The following MACROD2 variants were observed in gnomAD, a reference collection of about 807,000 sequenced individuals.
The protein encoded by MACROD2 is ADP-ribose glycohydrolase MACROD2.
MACROD2 carries 36 observed loss-of-function variants against 70.4 expected under a neutral mutation model. That is an observed-to-expected ratio of 0.51 (90% confidence interval 0.39 to 0.68). MACROD2 has a LOEUF of 0.68. Among genes scored for constraint, MACROD2 ranks in the 30% least tolerant of loss-of-function variants. The probability of loss-of-function intolerance (pLI) is 0.00; values close to 1 mark genes in which losing one functional copy is unlikely to be tolerated. For synonymous variants in MACROD2, 172 were observed against 178.8 expected, an observed-to-expected ratio of 0.96 and a Z score of 0.30; for missense variants, 496 against 538.4, an observed-to-expected ratio of 0.92 and a Z score of 0.78.
intron 7 of MACROD2, among the ~76,000 whole-genome samples, chr20:15,477,465 T>C (rs2047038190): frequency 1.3e-5 from 2 of 152,142 alleles, no homozygotes; most frequent in East Asian, 1.9e-4. Flanking sequence ...ATACCTGTTA[T>C]ATTATTTTTA....
chr20:14,204,871 T>TTTCATTTTTA (rs2081510143), intron 3 of MACROD2, among the ~76,000 whole-genome samples: 2 of 152,056 alleles, frequency 1.3e-5, no homozygotes, highest in African/African-American at 4.8e-5. Context: ...TCAATTATTA[T>TTTCATTTTTA]TATCATTTTT....
chr20:15,645,108 C>T (rs112110490), intron 8 of MACROD2, among the ~76,000 whole-genome samples: 124 of 152,318 alleles, frequency 8.1e-4, no homozygotes, highest in African/African-American at 2.9e-3. Context: ...AGCACATTCT[C>T]GTGACTCAAA....
chr20:14,764,381 C>T (rs894881370), intron 5 of MACROD2, among the ~76,000 whole-genome samples: 2 of 152,046 alleles, frequency 1.3e-5, no homozygotes, highest in African/African-American at 4.8e-5. Context: ...TTGCCTGAAA[C>T]CTGCCCATAC....
intron 8 of MACROD2, among the ~76,000 whole-genome samples, chr20:15,670,224 T>C (rs1375167251): frequency 6.6e-6 from 1 of 152,190 alleles, no homozygotes; most frequent in East Asian, 1.9e-4. Flanking sequence ...AATGGCTACT[T>C]TTCCCTCTCA....
chr20:15,058,874 C>T (rs940560749), intron 5 of MACROD2, among the ~76,000 whole-genome samples: 1 of 152,160 alleles, frequency 6.6e-6, no homozygotes, highest in Non-Finnish European at 1.5e-5. Context: ...AGAGCGTCAA[C>T]TTATAAGAAG....
At chr20:15,039,394 G>A (rs577216907) in intron 5 of MACROD2, among the ~76,000 whole-genome samples, 47 of 152,260 alleles carry the variant, frequency 3.1e-4, no homozygotes, top group African/African-American at 1.1e-3. Flanking sequence ...AGGTTTTATG[G>A]CTTTCTTTGG....
At chr20:14,883,464 A>G (rs1322955306) in intron 5 of MACROD2, among the ~76,000 whole-genome samples, 1 of 152,114 alleles carries the variant, frequency 6.6e-6, no homozygotes, top group Non-Finnish European at 1.5e-5. Context: ...GACTAATGTC[A>G]GCTTTTGAAG....
rs538155199 is a variant in MACROD2, at chr20:14,441,962, T to C, written c.272-51517T>C. 7.2e-5 allele frequency among the ~76,000 whole-genome samples: 11 copies of C among 152,088 alleles called. No homozygotes were observed. In the East Asian group the frequency reaches 2.1e-3, roughly 29 times the overall value. ...GAAAGTGTAGCAGGAATCTGAAGAATTGAGATAAATTAAAAATAAATGGGA... is the reference window on the plus strand; with the variant it reads ...GAAAGTGTAGCAGGAATCTGAAGAACTGAGATAAATTAAAAATAAATGGGA... On this transcript the variant is annotated intron_variant, in intron 3 of 17. Transcript: ENST00000684519.
At chr20:15,893,884 C>G (rs2064927973) in intron 10 of MACROD2, 1 of 456,760 alleles carries the variant, frequency 2.2e-6, no homozygotes, top group East Asian at 6.9e-5. Context: ...GGAGCAGGAG[C>G]AGCTGAAAGG....
In MACROD2 at chr20:14,422,444, A is replaced by T. The variant is rs149430114; in HGVS notation, c.272-71035A>T. Among the ~76,000 whole-genome samples the T allele has an allele frequency of 7.6e-3, 1,160 of 152,202 alleles. 5 individuals carry two copies. The highest frequency in any genetic ancestry group is 0.02 in the Middle Eastern group (6 of 294). On this transcript the variant is annotated intron_variant, in intron 3 of 17. Transcript: ENST00000684519. ...TGTTAAGGAAAGATTTACTTCTGCC[A>T]TTTGTTATTTGTTTTCTTATAGCTT...
chr20:15,037,388 AG>A (rs888081532), intron 5 of MACROD2, among the ~76,000 whole-genome samples: 4 of 152,242 alleles, frequency 2.6e-5, no homozygotes, highest in African/African-American at 9.6e-5. Context: ...ACGATAATAC[AG>A]GTTGAGAATT....
chr20:15,149,198 AG>A lies in MACROD2; in HGVS notation c.419-80740del, dbSNP rs1025265814. Among the ~76,000 whole-genome samples, 66 of 152,062 alleles carry A rather than the reference AG, an allele frequency of 4.3e-4. 1 individual carries two copies. Among genetic ancestry groups the A allele is most frequent in the African/African-American group, 1.4e-3 (60 of 41,390 alleles). On this transcript the variant is annotated intron_variant, in intron 5 of 17. Transcript: ENST00000684519. ...AGGGAGGGGGCCTGAATAATCCCTG[AG>A]GAGTAGTAGAATAGCAGATGGAACA...
chr20:15,252,026 G>A (rs1231600862), intron 6 of MACROD2, among the ~76,000 whole-genome samples: 2 of 152,156 alleles, frequency 1.3e-5, no homozygotes, highest in Admixed American at 6.5e-5. Context: ...TATCAATTCA[G>A]TCTGTTGATT....
intron 8 of MACROD2, among the ~76,000 whole-genome samples, chr20:15,540,563 T>C (rs1486120045): frequency 6.6e-6 from 1 of 152,152 alleles, no homozygotes; most frequent in African/African-American, 2.4e-5. Flanking sequence ...GGATGAAGGA[T>C]AAGGGAAAAT....
chr20:14,256,350 CTA>C (rs1317580321), intron 3 of MACROD2, among the ~76,000 whole-genome samples: 1 of 152,072 alleles, frequency 6.6e-6, no homozygotes, highest in African/African-American at 2.4e-5. Flanking sequence ...ACTGATAACT[CTA>C]TTATATGAAT....
intron 5 of MACROD2, among the ~76,000 whole-genome samples, chr20:15,025,426 G>T (rs2122979157): frequency 6.6e-6 from 1 of 151,052 alleles, no homozygotes; most frequent in East Asian, 2.0e-4. Flanking sequence ...TCCTAAATAG[G>T]TCTGTTCTCA....
intron 3 of MACROD2, among the ~76,000 whole-genome samples, chr20:14,117,292 C>T (rs1321155464): frequency 6.6e-6 from 1 of 152,060 alleles, no homozygotes; most frequent in Non-Finnish European, 1.5e-5. Context: ...ACTTTTGATA[C>T]TTTAACTTTT....
At chr20:15,239,113 A>G (rs2076247028) in intron 6 of MACROD2, among the ~76,000 whole-genome samples, 1 of 152,070 alleles carries the variant, frequency 6.6e-6, no homozygotes, top group Admixed American at 6.6e-5. Context: ...TTTGGCATAT[A>G]TCTAGAGGGT....
At chr20:14,098,284 G>A (rs2054255447) in intron 3 of MACROD2, among the ~76,000 whole-genome samples, 1 of 152,208 alleles carries the variant, frequency 6.6e-6, no homozygotes, top group African/African-American at 2.4e-5. Context: ...AGCTGTGACA[G>A]TATTTACTTG....
Sources: allele counts gnomAD v4.1 joint callset (sites outside exome capture counted in the v4.1 genomes callset), GRCh38; gene constraint gnomAD v4.1.1; transcripts MANE v1.5; gene names NCBI Gene and HGNC (gene_info 2026-07-23, HGNC 2026-07-21).